The following PTPRM variants were observed in gnomAD, a reference collection of about 807,000 sequenced individuals.
The protein encoded by PTPRM is protein tyrosine phosphatase receptor type M.
A neutral mutation model predicts 186.7 loss-of-function variants in PTPRM; 47 were observed. The ratio of observed to expected loss-of-function variants is 0.25; its 90% CI spans 0.20 to 0.32. The LOEUF is 0.32. Ranked by LOEUF, PTPRM falls within the 10% of genes least tolerant of loss-of-function variation. The pLI, the probability that PTPRM is intolerant of heterozygous loss-of-function variation, is 1.00. For synonymous variants in PTPRM, 668 were observed against 674.9 expected (o/e 0.99, Z 0.16); for missense variants, 1,494 against 1,865.0 (o/e 0.80, Z 3.66).
intron 1 of PTPRM, among the ~76,000 whole-genome samples, chr18:7,729,763 G>C (rs1244953558): frequency 1.3e-5 from 2 of 151,594 alleles, no homozygotes; most frequent in Non-Finnish European, 2.9e-5. Context: ...TATTTTTTAG[G>C]ATACTTTTAA....
intron 4 of PTPRM, among the ~76,000 whole-genome samples, chr18:7,917,182 C>A (rs2050609807): frequency 6.6e-6 from 1 of 152,188 alleles, no homozygotes; most frequent in African/African-American, 2.4e-5. Flanking sequence ...TTGTTATAAG[C>A]TTTTATGGAA....
At chr18:8,358,629 A>G (rs2095578055) in intron 23 of PTPRM, among the ~76,000 whole-genome samples, 1 of 152,218 alleles carries the variant, frequency 6.6e-6, no homozygotes. Flanking sequence ...AAGCCAGAGA[A>G]TAAAAGAGAG....
intron 1 of PTPRM, among the ~76,000 whole-genome samples, chr18:7,579,678 C>T (rs1413678815): frequency 6.6e-6 from 1 of 152,148 alleles, no homozygotes; most frequent in East Asian, 1.9e-4. Context: ...GTAATCAGAA[C>T]ACAGATGATT....
At chr18:7,963,245 T>C (rs1055105251) in intron 7 of PTPRM, among the ~76,000 whole-genome samples, 2 of 152,248 alleles carry the variant, frequency 1.3e-5, no homozygotes, top group African/African-American at 4.8e-5. Flanking sequence ...AGTCCCTTCC[T>C]TACAGGTGTT....
At chr18:7,802,204 G>C (rs1343248644) in intron 2 of PTPRM, among the ~76,000 whole-genome samples, 2 of 152,090 alleles carry the variant, frequency 1.3e-5, no homozygotes, top group Non-Finnish European at 2.9e-5. Context: ...AGTCCACTCA[G>C]CCTGTTTCAC....
At chr18:8,090,624 T>C (rs2090664995) in intron 11 of PTPRM, among the ~76,000 whole-genome samples, 1 of 152,204 alleles carries the variant, frequency 6.6e-6, no homozygotes, top group Non-Finnish European at 1.5e-5. Context: ...AGATGGAGTC[T>C]CACTCTGGTC....
At chr18:8,055,022 G>A (rs1344045024) in intron 7 of PTPRM, among the ~76,000 whole-genome samples, 2 of 152,086 alleles carry the variant, frequency 1.3e-5, no homozygotes, top group Non-Finnish European at 2.9e-5. Flanking sequence ...CTTTGTAGGT[G>A]ATGTGCTTTT....
intron 1 of PTPRM, among the ~76,000 whole-genome samples, chr18:7,696,717 G>T (rs549753119): frequency 6.6e-6 from 1 of 152,156 alleles, no homozygotes; most frequent in Non-Finnish European, 1.5e-5. Context: ...TGTCTTCCAC[G>T]GTGTCCCGTC....
Position 7,568,148 on chromosome 18 carries a change from C to T in PTPRM, c.73+257C>T, listed in dbSNP as rs1004007715. 1.3e-5 allele frequency among the ~76,000 whole-genome samples: 2 copies of T among 151,876 alleles called. No individual in the cohort carries two copies. Among genetic ancestry groups the T allele is most frequent in the Admixed American group, 6.6e-5 (1 of 15,250 alleles). ...CCCCAGCCGGGACTGCCAGCTCGGC[C>T]GCCGTCCTTCCGCGGCCTGGGCTAG... On this transcript the variant is annotated intron_variant, in intron 1 of 32. Transcript: ENST00000580170. The surrounding 1 kb of genome is among the most constrained non-coding windows in gnomAD (Gnocchi z 5.1).
intron 3 of PTPRM, among the ~76,000 whole-genome samples, chr18:7,889,930 A>C (rs958947200): frequency 6.6e-6 from 1 of 152,174 alleles, no homozygotes; most frequent in Non-Finnish European, 1.5e-5. Flanking sequence ...GTTTAAAGTA[A>C]CTGAAGGGCG....
chr18:7,722,775 A>C (rs1442942513), intron 1 of PTPRM, among the ~76,000 whole-genome samples: 1 of 152,242 alleles, frequency 6.6e-6, no homozygotes, highest in Non-Finnish European at 1.5e-5. Flanking sequence ...AAGGATTCTT[A>C]AAAATCAGAG....
At chr18:7,772,375 CTTTCTT>C (rs2042341159) in intron 1 of PTPRM, among the ~76,000 whole-genome samples, 1 of 118,078 alleles carries the variant, frequency 8.5e-6, no homozygotes, top group African/African-American at 3.2e-5. Flanking sequence ...TTCTTTCTTT[CTTTCTT>C]TCTTTCTTTC....
At chr18:8,154,509 A>C (rs916042502) in intron 14 of PTPRM, 2 of 152,206 alleles carry the variant, frequency 1.3e-5, no homozygotes, top group Non-Finnish European at 2.9e-5. Context: ...TGTACTTGTC[A>C]CATGCCAGGC....
At chr18:8,376,441 C>G in intron 25 of PTPRM, 21 bp from the exon 26 acceptor site, 1 of 1,614,112 alleles carries the variant, frequency 6.2e-7, no homozygotes, top group Non-Finnish European at 8.5e-7. Context: ...CCTCCACTGA[C>G]AGACCCCCCT....
At chr18:8,235,215 T>A (rs928815507) in intron 14 of PTPRM, among the ~76,000 whole-genome samples, 4 of 152,132 alleles carry the variant, frequency 2.6e-5, no homozygotes, top group African/African-American at 9.6e-5. Flanking sequence ...GTACTTCATG[T>A]TTTGAAAGGT....
At chr18:8,271,850 T>G (rs2094775334) in intron 19 of PTPRM, among the ~76,000 whole-genome samples, 2 of 152,178 alleles carry the variant, frequency 1.3e-5, no homozygotes, top group African/African-American at 4.8e-5. Context: ...TATAGTTTAT[T>G]TATGCCTTCT....
At chr18:8,273,748 T>C (rs2094800653) in intron 19 of PTPRM, among the ~76,000 whole-genome samples, 1 of 152,206 alleles carries the variant, frequency 6.6e-6, no homozygotes, top group Non-Finnish European at 1.5e-5. Context: ...AATTCAAGAC[T>C]GACAGTATTT....
At chr18:7,748,349 T>G (rs911463077) in intron 1 of PTPRM, among the ~76,000 whole-genome samples, 15 of 152,318 alleles carry the variant, frequency 9.8e-5, no homozygotes, top group African/African-American at 3.6e-4. Flanking sequence ...GTGGGGTAAA[T>G]GTGGAAGTGC....
At chr18:7,810,624 G>C (rs189744704) in intron 2 of PTPRM, among the ~76,000 whole-genome samples, 11 of 151,998 alleles carry the variant, frequency 7.2e-5, no homozygotes, top group Non-Finnish European at 1.3e-4. Flanking sequence ...AGACTGGGGT[G>C]GGGGGAGGAG....
Sources: gnomAD v4.1 joint callset for allele counts (sites outside exome capture counted in the v4.1 genomes callset) on GRCh38, gnomAD v4.1.1 for gene constraint, Gnocchi (gnomAD v3.1) non-coding constraint, MANE v1.5 for transcripts, NCBI Gene and HGNC (gene_info 2026-07-23, HGNC 2026-07-21) for gene names.